The following SNTG1 variants were observed in gnomAD, a reference collection of about 807,000 sequenced individuals.
The protein encoded by SNTG1 is gamma-1-syntrophin.
In SNTG1, 39 loss-of-function variants were observed where a neutral mutation model predicts 74.7. The observed-to-expected ratio is 0.52, with a 90% CI of 0.40 to 0.68. SNTG1 has a LOEUF of 0.68. Ranked by LOEUF, SNTG1 falls within the 30% of genes least tolerant of loss-of-function variation. The probability of loss-of-function intolerance (pLI) is 0.00; values close to 1 mark genes in which losing one functional copy is unlikely to be tolerated. For synonymous variants in SNTG1, 254 were observed against 217.1 expected (o/e 1.17, Z -1.49); for missense variants, 685 against 609.5 (o/e 1.12, Z -1.30).
At chr8:50,598,339 G>GA (rs1476008689) in intron 13 of SNTG1, among the ~76,000 whole-genome samples, 1 of 151,754 alleles carries the variant, frequency 6.6e-6, no homozygotes, top group Non-Finnish European at 1.5e-5. Context: ...CATTGTTATT[G>GA]AAAAAACTGT....
chr8:50,293,667 C>A (rs1039554999), intron 2 of SNTG1, among the ~76,000 whole-genome samples: 4 of 152,122 alleles, frequency 2.6e-5, no homozygotes, highest in Admixed American at 2.6e-4. Context: ...GCCTCGGCCT[C>A]CCAAAGTGCT....
chr8:50,413,262 A>G (rs2092972410), intron 4 of SNTG1, among the ~76,000 whole-genome samples: 1 of 152,212 alleles, frequency 6.6e-6, no homozygotes, highest in African/African-American at 2.4e-5. Flanking sequence ...AGATGCATAG[A>G]GGCATAGATG....
chr8:50,337,932 C>A (rs1012306972), intron 2 of SNTG1, among the ~76,000 whole-genome samples: 2 of 152,008 alleles, frequency 1.3e-5, no homozygotes, highest in Non-Finnish European at 2.9e-5. Context: ...GTCAGGAGAT[C>A]GAGACCATCC....
At chr8:50,280,455 T>C (rs1209879791) in intron 2 of SNTG1, among the ~76,000 whole-genome samples, 1 of 152,160 alleles carries the variant, frequency 6.6e-6, no homozygotes, top group Admixed American at 6.6e-5. Flanking sequence ...CTGTAAAATA[T>C]TTAAAGAGGT....
intron 2 of SNTG1, among the ~76,000 whole-genome samples, chr8:50,272,389 T>C (rs549615788): frequency 6.6e-6 from 1 of 152,322 alleles, no homozygotes; most frequent in African/African-American, 2.4e-5. Context: ...TGCAACTTTC[T>C]GTCTTTCCCT....
chr8:50,586,856 A>C (rs879668117), intron 12 of SNTG1, among the ~76,000 whole-genome samples: 1 of 152,112 alleles, frequency 6.6e-6, no homozygotes, highest in Admixed American at 6.6e-5. Flanking sequence ...TTAAAAAAAA[A>C]GTAAAGATTA....
chr8:50,524,124 T>C (rs2094201681), intron 9 of SNTG1, among the ~76,000 whole-genome samples: 1 of 152,142 alleles, frequency 6.6e-6, no homozygotes, highest in Non-Finnish European at 1.5e-5. Flanking sequence ...CAATTTCTTT[T>C]GTGTACCCCT....
At chr8:50,127,074 G>A (rs1001645066) in intron 1 of SNTG1, among the ~76,000 whole-genome samples, 1 of 152,130 alleles carries the variant, frequency 6.6e-6, no homozygotes, top group East Asian at 1.9e-4. Context: ...GGTGAAGACA[G>A]AAAAATGTTA....
intron 13 of SNTG1, among the ~76,000 whole-genome samples, chr8:50,641,322 T>C (rs776806963): frequency 6.6e-6 from 1 of 152,178 alleles, no homozygotes; most frequent in Non-Finnish European, 1.5e-5. Context: ...TCCTGCTTCA[T>C]TGAGAAAATT....
chr8:50,530,368 A>G (rs1002155894), intron 10 of SNTG1, 109 bp downstream of exon 10: 3 of 1,038,064 alleles, frequency 2.9e-6, no homozygotes, highest in Non-Finnish European at 4.3e-6. Context: ...TGGTTGCATA[A>G]TCATTTAAGA....
chr8:50,718,389 A>T (rs1196429467), intron 17 of SNTG1, among the ~76,000 whole-genome samples: 3 of 152,234 alleles, frequency 2.0e-5, no homozygotes, highest in Non-Finnish European at 4.4e-5. Flanking sequence ...TTTGCCATGT[A>T]ACGCATAATG....
At chr8:50,431,972 A>G (rs1022046623) in intron 4 of SNTG1, among the ~76,000 whole-genome samples, 1 of 152,194 alleles carries the variant, frequency 6.6e-6, no homozygotes, top group African/African-American at 2.4e-5. Context: ...TCTAGTCCAT[A>G]GCTTGTCTTT....
chr8:50,582,104 T>C (rs978827737), intron 12 of SNTG1, among the ~76,000 whole-genome samples: 4 of 152,220 alleles, frequency 2.6e-5, no homozygotes, highest in Admixed American at 2.0e-4. Flanking sequence ...TTTCACACTA[T>C]AGACATTAAG....
chr8:50,443,265 T>C (rs1429026343), intron 5 of SNTG1, among the ~76,000 whole-genome samples: 1 of 152,148 alleles, frequency 6.6e-6, no homozygotes, highest in Non-Finnish European at 1.5e-5. Flanking sequence ...TATACTTCTG[T>C]TCATTGTCAT....
intron 13 of SNTG1, among the ~76,000 whole-genome samples, chr8:50,646,195 C>T (rs1207627423): frequency 2.0e-5 from 3 of 152,062 alleles, no homozygotes; most frequent in Admixed American, 6.6e-5. Flanking sequence ...GTAATAAACA[C>T]GGTTCTCATT....
At chr8:50,380,623 T>C (rs1376864571) in intron 2 of SNTG1, among the ~76,000 whole-genome samples, 1 of 152,168 alleles carries the variant, frequency 6.6e-6, no homozygotes. Context: ...TAGCTCTCCA[T>C]GGGTGCAGCT....
chr8:50,017,436 A>C, intron 1 of SNTG1, among the ~76,000 whole-genome samples: 1 of 152,058 alleles, frequency 6.6e-6, no homozygotes, highest in East Asian at 1.9e-4. Context: ...TAAATAAACT[A>C]AATTGAATAA....
At chr8:50,063,672 T>C (rs1820663730) in intron 1 of SNTG1, among the ~76,000 whole-genome samples, 1 of 152,212 alleles carries the variant, frequency 6.6e-6, no homozygotes, top group Non-Finnish European at 1.5e-5. Context: ...CATACTATTG[T>C]TGTATCACCC....
At chr8:50,131,839 C>G (rs1463819791) in intron 1 of SNTG1, among the ~76,000 whole-genome samples, 1 of 151,988 alleles carries the variant, frequency 6.6e-6, no homozygotes, top group Non-Finnish European at 1.5e-5. Context: ...TCCTTCCCAA[C>G]ACTTGTTACC....
Sources: gnomAD v4.1 joint callset for allele counts (sites outside exome capture counted in the v4.1 genomes callset) on GRCh38, gnomAD v4.1.1 for gene constraint, MANE v1.5 for transcripts, NCBI Gene and HGNC (gene_info 2026-07-23, HGNC 2026-07-21) for gene names.